KCP: variants seen among roughly 807,000 people sequenced by gnomAD.
KCP encodes kielin/chordin-like protein.
Under a neutral mutation model 212.7 loss-of-function variants are expected in KCP, and 194 were observed. The observed-to-expected ratio is 0.91, with a 90% CI of 0.81 to 1.03. The LOEUF is 1.03. Among genes scored for constraint, KCP ranks in the 50% least tolerant of loss-of-function variants. KCP has a pLI of 0.00. For missense variants in KCP, 2,080 were observed against 2,162.5 expected (o/e 0.96, Z 0.76); for synonymous variants, 833 against 865.3 (o/e 0.96, Z 0.65).
chr7:128,880,027 G>A lies in KCP; in HGVS notation c.3818C>T (p.Ala1273Val), dbSNP rs1209353042. 1.9e-6 allele frequency: 3 copies of A among 1,549,380 alleles called. No homozygotes were observed. The highest frequency in any genetic ancestry group is 2.6e-6 in the Non-Finnish European group (3 of 1,146,746). ...GGGGTCTCCGAAGGCCATGCAGGAA[G>A]CGGGCCGAGGCAGGCAGCGGGGGCA... is the stretch of plus-strand genomic sequence containing the variant. ...SCCPRCLPRP[A>V]SCMAFGDPHY... is the part of the protein sequence containing the mutation. Residue 1273 changes from alanine (A) to valine (V), a missense_variant, in exon 35 of 40, where the codon GCT (alanine) becomes GTT (valine). Physicochemically the swap from Ala to Val is moderately conservative, Grantham distance 64. Coordinates refer to ENST00000610776, the MANE Select transcript of KCP (RefSeq NM_001366122.1).
At position 128,891,241 on chromosome 7, in the gene KCP, G is replaced by T. The variant is rs981368589; in HGVS notation, c.1916C>A (p.Pro639Gln). 11 of 1,546,916 alleles carry T rather than the reference G, an allele frequency of 7.1e-6. No homozygotes were observed. The highest frequency in any genetic ancestry group is 3.9e-5 in the Admixed American group (2 of 50,956). ...CAGGACAGGCTCTGGACAGGGCAGC[G>T]GCACGCAGCGGCGGGCCAGGCACTG... ...NVQCLARRCV[P>Q]LPCPEPVLLP... The change falls in exon 19 of 40, where the codon CCG becomes CAG. Residue 639 changes from proline to glutamine, a missense_variant. Physicochemically the swap from Pro to Gln is moderately conservative, Grantham distance 76. Coordinates refer to ENST00000610776, the MANE Select transcript of KCP (RefSeq NM_001366122.1).
At chr7:128,880,559 G>C (rs929562949) in intron 33 of KCP, 31 bp from the exon 34 acceptor site, 2 of 1,386,586 alleles carry the variant, frequency 1.4e-6, no homozygotes, top group Admixed American at 6.1e-5. Context: ...AGGGTCAGCT[G>C]CTCCTCCCAC....
At position 128,910,673 on chromosome 7, in the gene KCP, C is replaced by CCATG. The variant is rs1795389578; in HGVS notation, c.-1_3dup (p.Ala2HisfsTer75). On this transcript the variant is annotated frameshift_variant, in exon 1 of 40. Transcript: ENST00000610776. LOFTEE classifies it high-confidence loss of function. ...GACAGCGCAGCGGCCCCGACCCCGG[C>CCATG]CATGCTAGCTCCGCCTCGCTCGGCT... 10 of 1,504,860 alleles carry CCATG rather than the reference C, an allele frequency of 6.6e-6. No individual in the cohort carries two copies. The highest frequency in any genetic ancestry group is 3.9e-4 in the Middle Eastern group (2 of 5,140). The allele number at this position is 1,504,860 out of a possible 1,614,324, so 93.2% of individuals were successfully genotyped here.
chr7:128,900,453 G>T (rs2128949518), intron 8 of KCP, among the ~76,000 whole-genome samples: 1 of 152,246 alleles, frequency 6.6e-6, no homozygotes, highest in South Asian at 2.1e-4. Flanking sequence ...TTCTAATTCT[G>T]GGCATGTACT....
chr7:128,907,508 A>G (rs1261942409), intron 2 of KCP, 55 bp from the exon 3 acceptor site: 7 of 1,239,020 alleles, frequency 5.6e-6, no homozygotes, highest in Non-Finnish European at 5.4e-6. Context: ...CACCATCTCC[A>G]GTAGAGATGA....
At chr7:128,909,323 G>C (rs1795310580) in intron 1 of KCP, among the ~76,000 whole-genome samples, 1 of 152,160 alleles carries the variant, frequency 6.6e-6, no homozygotes, top group African/African-American at 2.4e-5. Flanking sequence ...GAGAGGGATG[G>C]GTCTTTCCCA....
intron 38 of KCP, 49 bp downstream of exon 38, chr7:128,878,509 C>T: frequency 6.6e-7 from 1 of 1,510,584 alleles, no homozygotes; most frequent in Non-Finnish European, 8.9e-7. Context: ...GAGACTCATG[C>T]TCAGCTGCGT....
chr7:128,901,354 T>C (rs1256513058), intron 8 of KCP, among the ~76,000 whole-genome samples: 3 of 152,154 alleles, frequency 2.0e-5, no homozygotes, highest in Admixed American at 6.5e-5. Context: ...TGGCCGGGCG[T>C]GGTGGCTCAC....
intron 8 of KCP, among the ~76,000 whole-genome samples, chr7:128,895,391 T>C (rs1794455778): frequency 6.6e-6 from 1 of 152,214 alleles, no homozygotes; most frequent in African/African-American, 2.4e-5. Flanking sequence ...CACTACCCCA[T>C]GGCCTGACCC....
chr7:128,878,745 G>A (rs1044801632), intron 37 of KCP, 23 bp from the exon 38 acceptor site: 6 of 1,543,664 alleles, frequency 3.9e-6, no homozygotes, highest in Non-Finnish European at 5.2e-6. Flanking sequence ...GCCTGAGACT[G>A]GGGAGCAGGG....
At chr7:128,904,309 C>T in intron 5 of KCP, 171 bp from the exon 6 acceptor site, 2 of 1,552,416 alleles carry the variant, frequency 1.3e-6, no homozygotes, top group Non-Finnish European at 1.7e-6. Context: ...GGCAGCACTC[C>T]CCAGGTGGGG....
intron 8 of KCP, among the ~76,000 whole-genome samples, chr7:128,899,704 G>T (rs1794727240): frequency 2.0e-5 from 3 of 152,102 alleles, no homozygotes; most frequent in Admixed American, 1.3e-4. Context: ...GAAACTATTT[G>T]TGAGTATTCT....
chr7:128,879,438 C>A, intron 37 of KCP, 84 bp downstream of exon 37: 1 of 1,216,284 alleles, frequency 8.2e-7, no homozygotes, highest in Non-Finnish European at 1.1e-6. Context: ...AGCTGGCATC[C>A]CCACCCCCTC....
At chr7:128,883,908 A>C in intron 29 of KCP, 94 bp downstream of exon 29, 1 of 1,424,616 alleles carries the variant, frequency 7.0e-7, no homozygotes, top group Non-Finnish European at 9.3e-7. Context: ...CACTGGAGTC[A>C]GGAAGAATCT....
intron 8 of KCP, among the ~76,000 whole-genome samples, chr7:128,896,162 G>A (rs1310968166): frequency 2.0e-5 from 3 of 152,114 alleles, no homozygotes; most frequent in Non-Finnish European, 4.4e-5. Flanking sequence ...GCCATGGAAG[G>A]GACAATACTG....
chr7:128,902,929 G>GC, intron 7 of KCP, 70 bp from the exon 8 acceptor site: 1 of 1,179,784 alleles, frequency 8.5e-7, no homozygotes, highest in Admixed American at 2.0e-5. Flanking sequence ...CAGCCTGCCC[G>GC]CCTTCCTTGT....
chr7:128,910,631 C>T lies in KCP; in HGVS notation c.46G>A (p.Gly16Arg). The stretch of plus-strand genomic sequence containing the variant: ...GCGCCCGCGGCCAGCGCCAGGGCCC[C>T]GAGGTGCAGGAGAAGGGACAGCGCA... ...AAALSLLLHL[G>R]ALALAAGAEG... is the part of the protein sequence containing the mutation. Residue 16 changes from glycine to arginine, a missense_variant, in exon 1 of 40, where the codon GGG (glycine) becomes AGG (arginine). Physicochemically the swap from Gly to Arg is moderately radical, Grantham distance 125. Coordinates refer to ENST00000610776, the MANE Select transcript of KCP (RefSeq NM_001366122.1). The T allele has an allele frequency of 2.0e-6, 3 of 1,517,840 alleles. No individual in the cohort carries two copies. The highest frequency in any genetic ancestry group is 2.6e-6 in the Non-Finnish European group (3 of 1,139,940). The allele number at this position is 1,517,840 out of a possible 1,614,324, so 94.0% of individuals were successfully genotyped here.
chr7:128,879,438 C>G, intron 37 of KCP, 84 bp downstream of exon 37: 1 of 1,216,284 alleles, frequency 8.2e-7, no homozygotes, highest in Non-Finnish European at 1.1e-6. Context: ...AGCTGGCATC[C>G]CCACCCCCTC....
rs150955653 is a variant in KCP, at chr7:128,904,793, A to G, written c.572-655T>C. 7.2e-5 allele frequency among the ~76,000 whole-genome samples: 11 copies of G among 152,394 alleles called. No homozygotes were observed. In the East Asian group the frequency reaches 2.1e-3, roughly 29 times the overall value. On this transcript the variant is annotated intron_variant, in intron 5 of 39. Coordinates refer to ENST00000610776, the MANE Select transcript of KCP (RefSeq NM_001366122.1). ...AAGGGGCACCATTCACGTGACAGAC[A>G]TCAGAGACTTTGATATTTACTACCC...
Sources: allele counts gnomAD v4.1 joint callset (sites outside exome capture counted in the v4.1 genomes callset), GRCh38; gene constraint gnomAD v4.1.1; transcripts MANE v1.5; gene names NCBI Gene and HGNC (gene_info 2026-07-23, HGNC 2026-07-21).